Variants in AGBL4 observed in about 807,000 individuals in gnomAD.
AGBL4 encodes the protein AGBL carboxypeptidase 4.
Under a neutral mutation model 66.4 loss-of-function variants are expected in AGBL4, and 58 were observed. That is an observed-to-expected ratio of 0.87 (90% CI 0.71 to 1.09). The LOEUF is 1.09. Ranked by LOEUF, AGBL4 falls within the 50% of genes least tolerant of loss-of-function variation. The pLI is 0.00. For synonymous variants in AGBL4, 234 were observed against 222.9 expected (o/e 1.05, Z -0.44); for missense variants, 579 against 631.0 (o/e 0.92, Z 0.88).
intron 3 of AGBL4, among the ~76,000 whole-genome samples, chr1:49,633,903 A>T (rs1645619421): frequency 6.8e-6 from 1 of 147,958 alleles, no homozygotes; most frequent in African/African-American, 2.4e-5. Context: ...AATATATAAT[A>T]TATGTAAATA....
intron 3 of AGBL4, among the ~76,000 whole-genome samples, chr1:49,577,892 C>A (rs1227691068): frequency 6.6e-6 from 1 of 152,122 alleles, no homozygotes; most frequent in African/African-American, 2.4e-5. Flanking sequence ...AATCAGAGTC[C>A]AATATATGGT....
intron 1 of AGBL4, among the ~76,000 whole-genome samples, chr1:49,941,039 T>A (rs1654706865): frequency 6.6e-6 from 1 of 152,106 alleles, no homozygotes; most frequent in Non-Finnish European, 1.5e-5. Context: ...CTATGAACAA[T>A]TATGAGCCAA....
chr1:49,566,062 C>T (rs879074164), intron 3 of AGBL4, among the ~76,000 whole-genome samples: 1 of 152,190 alleles, frequency 6.6e-6, no homozygotes, highest in Non-Finnish European at 1.5e-5. Flanking sequence ...CGTCTTCCAT[C>T]GCTGATACCC....
chr1:49,211,390 G>A (rs556325634), intron 4 of AGBL4, among the ~76,000 whole-genome samples: 13 of 152,066 alleles, frequency 8.5e-5, no homozygotes, highest in Non-Finnish European at 1.5e-4. Flanking sequence ...AAGAGTATGA[G>A]GAAAACACTA....
At chr1:49,122,592 A>C (rs1353205445) in intron 4 of AGBL4, among the ~76,000 whole-genome samples, 1 of 152,222 alleles carries the variant, frequency 6.6e-6, no homozygotes, top group African/African-American at 2.4e-5. Context: ...ATGGTTAATT[A>C]TCACACAGTT....
At chr1:49,235,179 C>G (rs1340099213) in intron 4 of AGBL4, among the ~76,000 whole-genome samples, 2 of 152,180 alleles carry the variant, frequency 1.3e-5, no homozygotes, top group African/African-American at 4.8e-5. Context: ...CAGTAAGGCT[C>G]AGGTCCTTCC....
chr1:49,720,649 T>C lies in AGBL4; in HGVS notation c.158-23212A>G, dbSNP rs142208621. Among the ~76,000 whole-genome samples, 10 of 152,274 alleles carry C rather than the reference T, an allele frequency of 6.6e-5. No individual in the cohort carries two copies. In the East Asian group the frequency reaches 1.7e-3, roughly 26 times the overall value. ...GACACTCCATCTCAGTGTTTCTACTTGCAAATTCATAGAGTTGTTGTAAGG... is the reference window on the plus strand; with the variant it reads ...GACACTCCATCTCAGTGTTTCTACTCGCAAATTCATAGAGTTGTTGTAAGG... On this transcript the variant is annotated intron_variant, in intron 2 of 13. Coordinates refer to ENST00000371839, the MANE Select transcript of AGBL4 (RefSeq NM_032785.4).
intron 2 of AGBL4, among the ~76,000 whole-genome samples, chr1:49,821,190 C>T (rs1436581579): frequency 1.3e-5 from 2 of 152,196 alleles, no homozygotes; most frequent in East Asian, 1.9e-4. Flanking sequence ...ATTATTTATT[C>T]ATTCATTCAT....
At position 48,771,964 on chromosome 1, in the gene AGBL4, G is replaced by A. The variant is rs899454156; in HGVS notation, c.634+95227C>T. ...TTGAATGAAAACTTAAAATCCTACG[G>A]CAGGTTTCTGTTCTGAAAAACAAGC... is the stretch of plus-strand genomic sequence containing the variant. On this transcript the variant is annotated intron_variant, in intron 6 of 13. Transcript: ENST00000371839. 3.3e-5 allele frequency among the ~76,000 whole-genome samples: 5 copies of A among 152,144 alleles called. No individual in the cohort carries two copies. The South Asian group carries it at 8.3e-4, about 25-fold the overall frequency.
intron 5 of AGBL4, among the ~76,000 whole-genome samples, chr1:48,900,808 C>T (rs1246678297): frequency 1.3e-5 from 2 of 152,122 alleles, no homozygotes; most frequent in Non-Finnish European, 2.9e-5. Flanking sequence ...AGAAGACCTT[C>T]ATAACCTTAG....
chr1:48,673,017 G>T (rs1317833536), intron 6 of AGBL4, among the ~76,000 whole-genome samples: 1 of 152,102 alleles, frequency 6.6e-6, no homozygotes, highest in African/African-American at 2.4e-5. Flanking sequence ...GGGCTGCCAG[G>T]CTAGTAAGAC....
rs370579494 is a variant in AGBL4, at chr1:49,878,580, C to G, written c.35-27062G>C. ...TTGCTGAGGAGTGCTTTACCTCCAACTATGTGGTCAATTTTGGAATAGGTG... is the reference window on the plus strand; with the variant it reads ...TTGCTGAGGAGTGCTTTACCTCCAAGTATGTGGTCAATTTTGGAATAGGTG... On this transcript the variant is annotated intron_variant, in intron 1 of 13. Coordinates refer to ENST00000371839, the MANE Select transcript of AGBL4 (RefSeq NM_032785.4). Among the ~76,000 whole-genome samples the G allele has an allele frequency of 1.1e-4, 17 of 152,148 alleles. No homozygotes were observed. In the South Asian group the frequency reaches 1.5e-3, roughly 13 times the overall value.
At chr1:49,211,044 T>C (rs1648627791) in intron 4 of AGBL4, among the ~76,000 whole-genome samples, 1 of 152,054 alleles carries the variant, frequency 6.6e-6, no homozygotes, top group South Asian at 2.1e-4. Flanking sequence ...GCCAAATGGG[T>C]GTCCTGCTTA....
In AGBL4 at chr1:49,593,434, A is replaced by G. The variant is rs183895243; in HGVS notation, c.282+103879T>C. 3.2e-4 allele frequency among the ~76,000 whole-genome samples: 49 copies of G among 152,258 alleles called. No homozygotes were observed. In the East Asian group the frequency reaches 7.9e-3, roughly 25 times the overall value. On this transcript the variant is annotated intron_variant, in intron 3 of 13. Coordinates refer to ENST00000371839, the MANE Select transcript of AGBL4 (RefSeq NM_032785.4). ...AAAAATTCAAAATAAATAAATAAAT[A>G]AAGGGTAATACTGAAAACAACTATA...
At chr1:49,279,261 T>C (rs1398188839) in intron 3 of AGBL4, among the ~76,000 whole-genome samples, 7 of 152,122 alleles carry the variant, frequency 4.6e-5, no homozygotes, top group Non-Finnish European at 8.8e-5. Context: ...CAACAGAGCA[T>C]AATATAAGCG....
At chr1:49,418,659 C>T (rs1645479805) in intron 3 of AGBL4, among the ~76,000 whole-genome samples, 1 of 152,192 alleles carries the variant, frequency 6.6e-6, no homozygotes, top group Admixed American at 6.5e-5. Flanking sequence ...GCCAGGAGAA[C>T]AGCCTGTGAT....
chr1:49,369,017 T>TG (rs1394827682), intron 3 of AGBL4, among the ~76,000 whole-genome samples: 1 of 151,902 alleles, frequency 6.6e-6, no homozygotes, highest in Non-Finnish European at 1.5e-5. Flanking sequence ...GCGGAGGTTA[T>TG]GGTGAGCCAA....
intron 1 of AGBL4, among the ~76,000 whole-genome samples, chr1:49,999,375 G>T (rs1317285895): frequency 6.7e-6 from 1 of 149,982 alleles, no homozygotes; most frequent in African/African-American, 2.4e-5. Flanking sequence ...CCTAACCAAG[G>T]AGGTGGAGGT....
In AGBL4 at chr1:48,663,167, A is replaced by G; in HGVS notation, c.709T>C (p.Ser237Pro). 1 of 1,613,948 alleles carries G rather than the reference A, an allele frequency of 6.2e-7. No homozygotes were observed. The highest frequency in any genetic ancestry group is 2.2e-5 in the East Asian group (1 of 44,872). ...TGCCACTCACCTTGGCACACAAATG[A>G]TGAGGGTGTTTCCCCTGGGTGGACT... ...GRVHPGETPS[S>P]FVCQGIIDFL... is the part of the protein sequence containing the mutation. The change falls in exon 7 of 14, where the codon TCA becomes CCA. Residue 237 changes from serine (S) to proline (P), a missense_variant. By Grantham distance (74) the Ser-to-Pro change is moderately conservative. Transcript: ENST00000371839.
Sources: gnomAD v4.1 joint callset for allele counts (sites outside exome capture counted in the v4.1 genomes callset) on GRCh38, gnomAD v4.1.1 for gene constraint, MANE v1.5 for transcripts, NCBI Gene and HGNC (gene_info 2026-07-23, HGNC 2026-07-21) for gene names.